The following PARD3B variants were observed in gnomAD, a reference collection of about 807,000 sequenced individuals.
PARD3B encodes the protein par-3 family cell polarity regulator beta.
Under a neutral mutation model 130.2 loss-of-function variants are expected in PARD3B, and 103 were observed. The observed-to-expected ratio is 0.79, with a 90% CI of 0.67 to 0.93. The LOEUF (loss-of-function observed/expected upper bound fraction) is 0.93. PARD3B is among the 40% of genes least tolerant of loss of function. The probability of loss-of-function intolerance (pLI) is 0.00; values close to 1 mark genes in which losing one functional copy is unlikely to be tolerated. For synonymous variants in PARD3B, 583 were observed against 553.2 expected (o/e 1.05, Z -0.76); for missense variants, 1,609 against 1,499.2 (o/e 1.07, Z -1.21).
chr2:205,449,303 C>T (rs936367902), intron 20 of PARD3B, among the ~76,000 whole-genome samples: 29 of 151,418 alleles, frequency 1.9e-4, no homozygotes, highest in African/African-American at 7.0e-4. Flanking sequence ...GATCTCAGCT[C>T]ACTGCTACCT....
At chr2:205,191,075 G>GAAAA (rs5837960) in intron 14 of PARD3B, among the ~76,000 whole-genome samples, 7,625 of 97,412 alleles carry the variant, frequency 0.078, 312 homozygotes, top group East Asian at 0.2. Context: ...GAAAGAAATA[G>GAAAA]AAAAAAAAAA....
Position 205,489,950 on chromosome 2 carries a change from C to T in PARD3B, c.3045-9946C>T, listed in dbSNP as rs535677379. On this transcript the variant is annotated intron_variant, in intron 20 of 22. Coordinates refer to ENST00000406610, the MANE Select transcript of PARD3B (RefSeq NM_001302769.2). ...TGCCTTTTATCAGAAGAGGAGATGA[C>T]ATTGATCTGGTGACGATTCTCAGTC... Among the ~76,000 whole-genome samples the T allele has an allele frequency of 2.6e-5, 4 of 152,224 alleles. No individual in the cohort carries two copies. In the South Asian group the frequency reaches 6.2e-4, roughly 24 times the overall value.
chr2:205,438,118 TG>T (rs201274079), intron 19 of PARD3B, among the ~76,000 whole-genome samples: 2,231 of 152,280 alleles, frequency 0.015, 186 homozygotes, highest in Admixed American at 0.13. Context: ...ACCTGTTGAA[TG>T]ATTAATATGA....
At chr2:205,013,185 C>T (rs1412805844) in intron 3 of PARD3B, among the ~76,000 whole-genome samples, 5 of 152,164 alleles carry the variant, frequency 3.3e-5, no homozygotes, top group African/African-American at 7.2e-5. Flanking sequence ...TCTGAGACTT[C>T]CCCACGCAGG....
chr2:205,180,411 G>C (rs1278760297), intron 13 of PARD3B, among the ~76,000 whole-genome samples: 1 of 151,908 alleles, frequency 6.6e-6, no homozygotes, highest in Non-Finnish European at 1.5e-5. Context: ...GGAACTATTG[G>C]GAGTTCCTGA....
chr2:205,101,487 T>A (rs1702786730), intron 4 of PARD3B, among the ~76,000 whole-genome samples: 1 of 152,200 alleles, frequency 6.6e-6, no homozygotes, highest in South Asian at 2.1e-4. Flanking sequence ...TTCCTCAAAA[T>A]GTTAAACATA....
intron 4 of PARD3B, among the ~76,000 whole-genome samples, chr2:205,102,134 C>G (rs1272544866): frequency 1.3e-5 from 2 of 152,112 alleles, no homozygotes; most frequent in Admixed American, 1.3e-4. Context: ...CGATCCAACC[C>G]TAGAACCGCC....
intron 1 of PARD3B, among the ~76,000 whole-genome samples, chr2:204,582,145 A>G (rs2032589110): frequency 6.6e-6 from 1 of 151,716 alleles, no homozygotes; most frequent in South Asian, 2.1e-4. Flanking sequence ...ACCTCTGAGA[A>G]CTCCCAGAGC....
intron 16 of PARD3B, among the ~76,000 whole-genome samples, chr2:205,256,224 C>T (rs1218588631): frequency 6.6e-6 from 1 of 151,866 alleles, no homozygotes; most frequent in Admixed American, 6.6e-5. Context: ...GTCATGGCTC[C>T]CTTATATTAT....
intron 20 of PARD3B, among the ~76,000 whole-genome samples, chr2:205,483,077 C>T (rs2049306207): frequency 6.7e-6 from 1 of 148,738 alleles, no homozygotes; most frequent in Non-Finnish European, 1.5e-5. Flanking sequence ...TCCATGGGCA[C>T]ATGCCTTCAA....
At chr2:204,546,358 A>C (rs1043424279) in intron 1 of PARD3B, among the ~76,000 whole-genome samples, 1 of 152,028 alleles carries the variant, frequency 6.6e-6, no homozygotes, top group African/African-American at 2.4e-5. Context: ...GCTTCTTAGA[A>C]CTGCCCAATA....
rs1464462295 is a variant in PARD3B at position 205,563,936 on chromosome 2, A to T, written c.3260+10533A>T. On this transcript the variant is annotated intron_variant, in intron 22 of 22. Transcript: ENST00000406610. The surrounding 1 kb of genome is among the most constrained non-coding windows in gnomAD (Gnocchi z 4.2). ...CTCCACAGAACACTCAGAACAAGGC[A>T]AGGGGAAGGAGTTAACATTTGTTGA... is the stretch of plus-strand genomic sequence containing the variant. 6.6e-6 allele frequency among the ~76,000 whole-genome samples: 1 copy of T among 152,228 alleles called. No homozygotes were observed.
intron 2 of PARD3B, among the ~76,000 whole-genome samples, chr2:204,917,665 T>C (rs1243149514): frequency 6.6e-6 from 1 of 152,182 alleles, no homozygotes; most frequent in Non-Finnish European, 1.5e-5. Context: ...TACTAATGTT[T>C]TATAATTTTT....
intron 15 of PARD3B, among the ~76,000 whole-genome samples, chr2:205,217,887 TATATATA>T (rs1375657409): frequency 0.064 from 6,570 of 103,146 alleles, 363 homozygotes; most frequent in Middle Eastern, 0.12. Flanking sequence ...TATATATATA[TATATATA>T]TTTTTTTTTT....
At chr2:204,910,353 G>A (rs937916981) in intron 2 of PARD3B, among the ~76,000 whole-genome samples, 13 of 152,090 alleles carry the variant, frequency 8.5e-5, no homozygotes, top group Non-Finnish European at 1.3e-4. Context: ...TTTTTTGTAG[G>A]GGAGGAGAAT....
chr2:205,135,648 T>C (rs1468205534), intron 10 of PARD3B, among the ~76,000 whole-genome samples: 1 of 152,038 alleles, frequency 6.6e-6, no homozygotes, highest in Non-Finnish European at 1.5e-5. Flanking sequence ...TACTTACTTC[T>C]TCTCCTGCCC....
intron 1 of PARD3B, among the ~76,000 whole-genome samples, chr2:204,630,497 T>C (rs926928585): frequency 1.3e-5 from 2 of 152,196 alleles, no homozygotes; most frequent in African/African-American, 4.8e-5. Context: ...TTGGTTTTGC[T>C]GAACAATTGG....
At chr2:204,742,898 C>T (rs76297021) in intron 2 of PARD3B, among the ~76,000 whole-genome samples, 27,641 of 151,976 alleles carry the variant, frequency 0.18, 2,554 homozygotes, top group African/African-American at 0.19. Context: ...AACATTATAT[C>T]ATTGTTTTAA....
At chr2:204,813,715 TA>T (rs1164524637) in intron 2 of PARD3B, among the ~76,000 whole-genome samples, 4 of 152,188 alleles carry the variant, frequency 2.6e-5, no homozygotes, top group South Asian at 2.1e-4. Context: ...AGTTCAAGTT[TA>T]TTTTTTTTAC....
Sources: allele counts gnomAD v4.1 joint callset (sites outside exome capture counted in the v4.1 genomes callset), GRCh38; gene constraint gnomAD v4.1.1; non-coding constraint Gnocchi (gnomAD v3.1); transcripts MANE v1.5; gene names NCBI Gene and HGNC (gene_info 2026-07-23, HGNC 2026-07-21).